The following EHD4 variants were observed in gnomAD, a reference collection of about 807,000 sequenced individuals.
EHD4 encodes EH domain containing 4.
In EHD4, 37 loss-of-function variants were observed where a neutral mutation model predicts 51.0. The ratio of observed to expected loss-of-function variants is 0.73; its 90% CI spans 0.56 to 0.95. The LOEUF is 0.95. Among genes scored for constraint, EHD4 ranks in the 40% least tolerant of loss-of-function variants. The pLI, the probability that EHD4 is intolerant of heterozygous loss-of-function variation, is 0.00. For synonymous variants in EHD4, 297 were observed against 317.3 expected (o/e 0.94, Z 0.68); for missense variants, 632 against 733.1 (o/e 0.86, Z 1.59).
In EHD4 at chr15:41,953,897, C is replaced by A; in HGVS notation, c.280G>T (p.Glu94Ter). 1 of 1,613,454 alleles carries A rather than the reference C, an allele frequency of 6.2e-7. No homozygotes were observed. The highest frequency in any genetic ancestry group is 8.5e-7 in the Non-Finnish European group (1 of 1,179,848). The change falls in exon 2 of 6, where the codon GAG becomes TAG. Residue 94 changes from glutamate to a stop codon, truncating the protein, a stop_gained. Coordinates refer to ENST00000220325, the MANE Select transcript of EHD4 (RefSeq NM_139265.4). LOFTEE classifies it high-confidence loss of function. Reference sequence around the variant, plus strand: ...GCGATGAAGGAGTCTGTGGTGGGCTCCGGACCAATCCTCATGCCTGGGAAA... The same window carrying A: ...GCGATGAAGGAGTCTGTGGTGGGCTACGGACCAATCCTCATGCCTGGGAAA... ...QDFPGMRIGP[E>*]PTTDSFIAVM...
At chr15:41,918,603 A>C (rs2067601315) in intron 4 of EHD4, among the ~76,000 whole-genome samples, 1 of 152,172 alleles carries the variant, frequency 6.6e-6, no homozygotes, top group Non-Finnish European at 1.5e-5. Flanking sequence ...AGGCTCAGCT[A>C]TGAGGCAGGC....
chr15:41,941,588 T>TG (rs2067770988), intron 3 of EHD4: 2 of 150,498 alleles, frequency 1.3e-5, no homozygotes, highest in Admixed American at 1.3e-4. Flanking sequence ...TGGTGTTTTT[T>TG]TTTTTGTTTT....
At chr15:41,968,923 C>A (rs2067978730) in intron 1 of EHD4, among the ~76,000 whole-genome samples, 1 of 152,178 alleles carries the variant, frequency 6.6e-6, no homozygotes, top group Non-Finnish European at 1.5e-5. Context: ...AACTCCACGC[C>A]CACTAACAGT....
At chr15:41,910,568 C>T (rs1375173151) in intron 4 of EHD4, among the ~76,000 whole-genome samples, 1 of 150,266 alleles carries the variant, frequency 6.7e-6, no homozygotes, top group Non-Finnish European at 1.5e-5. Flanking sequence ...CAAAAGTTCT[C>T]TTTGTATATA....
intron 3 of EHD4, among the ~76,000 whole-genome samples, chr15:41,925,878 G>C (rs2067657292): frequency 6.6e-6 from 1 of 152,154 alleles, no homozygotes; most frequent in Non-Finnish European, 1.5e-5. Flanking sequence ...CCTCCATCCT[G>C]GCCAGAGAAA....
At chr15:41,952,365 T>C (rs2067858024) in intron 2 of EHD4, among the ~76,000 whole-genome samples, 1 of 152,058 alleles carries the variant, frequency 6.6e-6, no homozygotes, top group Non-Finnish European at 1.5e-5. Flanking sequence ...CTGTGCCTCC[T>C]ACAACCCACT....
intron 2 of EHD4, among the ~76,000 whole-genome samples, chr15:41,950,916 A>G (rs1283918810): frequency 6.6e-6 from 1 of 152,230 alleles, no homozygotes; most frequent in African/African-American, 2.4e-5. Flanking sequence ...AGAATAATGT[A>G]CATGAAATTA....
At chr15:41,954,185 G>A (rs1034045064) in intron 1 of EHD4, among the ~76,000 whole-genome samples, 14 of 152,176 alleles carry the variant, frequency 9.2e-5, no homozygotes, top group Non-Finnish European at 1.2e-4. Context: ...CCTTAGGGGA[G>A]CCTCCCTGAC....
intron 5 of EHD4, among the ~76,000 whole-genome samples, chr15:41,903,414 T>C (rs1418844304): frequency 6.7e-6 from 1 of 150,342 alleles, no homozygotes; most frequent in Non-Finnish European, 1.5e-5. Context: ...AAACCTCTGC[T>C]AGCATATCTG....
chr15:41,946,032 T>C (rs1365265751), intron 2 of EHD4, among the ~76,000 whole-genome samples: 1 of 152,220 alleles, frequency 6.6e-6, no homozygotes, highest in African/African-American at 2.4e-5. Flanking sequence ...GGAAAGTGCT[T>C]TGAACGGTGC....
rs765463749 is a variant in EHD4 at position 41,904,903 on chromosome 15, G to C, written c.1090-3722C>G. Among the ~76,000 whole-genome samples the C allele has an allele frequency of 9.9e-5, 15 of 152,254 alleles. 1 individual carries two copies. The highest frequency in any genetic ancestry group is 2.2e-4 in the Non-Finnish European group (15 of 68,046). ...GCCACACAGGTGGGTTGCAGGGCCTGTCCCAGCTCAGGGAAGGGCCTTCAG... is the reference window on the plus strand; with the variant it reads ...GCCACACAGGTGGGTTGCAGGGCCTCTCCCAGCTCAGGGAAGGGCCTTCAG... On this transcript the variant is annotated intron_variant, in intron 5 of 5. Coordinates refer to ENST00000220325, the MANE Select transcript of EHD4 (RefSeq NM_139265.4).
chr15:41,953,730 GC>G, intron 2 of EHD4, 33 bp downstream of exon 2: 2 of 1,561,026 alleles, frequency 1.3e-6, no homozygotes, highest in South Asian at 1.2e-5. Context: ...GGTTTAAACA[GC>G]CTGACCGAAG....
Position 41,909,586 on chromosome 15 carries a change from C to T in EHD4, c.1089+113G>A, listed in dbSNP as rs756137760. 8.8e-5 allele frequency: 107 copies of T among 1,218,784 alleles called. 1 individual carries two copies. The highest frequency in any genetic ancestry group is 2.2e-4 in the South Asian group (16 of 71,966). 75.5% of individuals were successfully genotyped at this position (1,218,784 alleles called of 1,614,324 possible). On this transcript the variant is annotated intron_variant, in intron 5 of 5. Transcript: ENST00000220325. ...ATCATGGATCACCATTAGGAAGATG[C>T]GTTGTCCTTGATCCTAAACCATGGG...
chr15:41,948,968 T>C (rs1470999429), intron 2 of EHD4, among the ~76,000 whole-genome samples: 4 of 147,476 alleles, frequency 2.7e-5, no homozygotes, highest in African/African-American at 1.0e-4. Flanking sequence ...GAGGCTGCAG[T>C]GAGCTGTGAT....
chr15:41,922,257 C>T (rs780112100), intron 3 of EHD4, among the ~76,000 whole-genome samples: 1 of 151,964 alleles, frequency 6.6e-6, no homozygotes, highest in Non-Finnish European at 1.5e-5. Flanking sequence ...GGTGTGGTGG[C>T]GTATGCATGT....
intron 5 of EHD4, among the ~76,000 whole-genome samples, chr15:41,903,777 G>A (rs758958657): frequency 1.3e-5 from 2 of 152,060 alleles, no homozygotes; most frequent in South Asian, 2.1e-4. Context: ...TCAGCTAAAC[G>A]GGCTGACATT....
chr15:41,966,222 G>T (rs531330219), intron 1 of EHD4, among the ~76,000 whole-genome samples: 2 of 151,824 alleles, frequency 1.3e-5, no homozygotes, highest in East Asian at 3.9e-4. Context: ...CTCAACCCGC[G>T]CCATCTGGCT....
intron 1 of EHD4, among the ~76,000 whole-genome samples, chr15:41,971,691 G>C (rs923290414): frequency 1.3e-5 from 2 of 152,206 alleles, no homozygotes; most frequent in Admixed American, 1.3e-4. Context: ...TCCTACGGGC[G>C]GCTAAAGGCG....
At chr15:41,914,420 G>T (rs541877812) in intron 4 of EHD4, among the ~76,000 whole-genome samples, 32 of 152,266 alleles carry the variant, frequency 2.1e-4, no homozygotes, top group Admixed American at 3.9e-4. Flanking sequence ...AACCCATGGG[G>T]TAACAAGAGT....
Sources: allele counts gnomAD v4.1 joint callset (sites outside exome capture counted in the v4.1 genomes callset), GRCh38; gene constraint gnomAD v4.1.1; transcripts MANE v1.5; gene names NCBI Gene and HGNC (gene_info 2026-07-23, HGNC 2026-07-21).